Variants in WWOX observed in about 807,000 individuals in gnomAD.
WWOX encodes WW domain-containing oxidoreductase.
WWOX carries 69 observed loss-of-function variants against 46.2 expected under a neutral mutation model. The observed-to-expected ratio is 1.49, with a 90% CI of 1.23 to 1.82. WWOX has a LOEUF of 1.82. Ranked by LOEUF, WWOX falls within the 40% of genes most tolerant of loss-of-function variation. The probability of loss-of-function intolerance (pLI) is 0.00; values close to 1 mark genes in which losing one functional copy is unlikely to be tolerated. For synonymous variants in WWOX, 359 were observed against 202.6 expected (o/e 1.77, Z -6.56); for missense variants, 919 against 542.6 (o/e 1.69, Z -6.89).
In WWOX at chr16:78,186,838, T is replaced by C. The variant is rs2035723081; in HGVS notation, c.516+22549T>C. On this transcript the variant is annotated intron_variant, in intron 5 of 8. Transcript: ENST00000566780. ...CATAGAAGTTGCGAAGAATAGTCTA[T>C]AGTATTCTTCACAAGGGTTCTGGGT... Among the ~76,000 whole-genome samples, 6 of 152,330 alleles carry C rather than the reference T, an allele frequency of 3.9e-5. No homozygotes were observed. In the South Asian group the frequency reaches 1.2e-3, roughly 32 times the overall value.
chr16:78,160,144 A>T (rs1567605422), intron 4 of WWOX, among the ~76,000 whole-genome samples: 1 of 151,608 alleles, frequency 6.6e-6, no homozygotes, highest in Non-Finnish European at 1.5e-5. Flanking sequence ...AATGTAATGG[A>T]TGCTTAGATC....
At chr16:79,079,025 A>G (rs1248212144) in intron 8 of WWOX, among the ~76,000 whole-genome samples, 1 of 152,244 alleles carries the variant, frequency 6.6e-6, no homozygotes, top group Non-Finnish European at 1.5e-5. Flanking sequence ...TTTGACCTGC[A>G]TTGATCAAGG....
chr16:79,028,092 AG>A (rs1397314859), intron 8 of WWOX, among the ~76,000 whole-genome samples: 1 of 151,692 alleles, frequency 6.6e-6, no homozygotes, highest in African/African-American at 2.4e-5. Context: ...CTGAGACTAC[AG>A]GCACCTGCCA....
intron 8 of WWOX, chr16:79,110,817 G>T (rs1012376960): frequency 6.6e-6 from 1 of 152,206 alleles, no homozygotes. Flanking sequence ...CCTTTTATCA[G>T]CTGGGTGTTG....
Position 78,122,786 on chromosome 16 carries a change from G to A in WWOX, c.409+7632G>A, listed in dbSNP as rs749017619. ...TGTCCGGCTAATTTTTGTATTTTTC[G>A]TAGAGACAGGGATTCACCATGTTGG... On this transcript the variant is annotated intron_variant, in intron 4 of 8. Transcript: ENST00000566780. 2.0e-5 allele frequency among the ~76,000 whole-genome samples: 3 copies of A among 151,804 alleles called. No homozygotes were observed. In the South Asian group the frequency reaches 6.2e-4, roughly 32 times the overall value.
At chr16:78,635,625 G>A (rs2738579) in intron 8 of WWOX, among the ~76,000 whole-genome samples, 1 of 152,172 alleles carries the variant, frequency 6.6e-6, no homozygotes, top group Non-Finnish European at 1.5e-5. Context: ...GGGTTGTTGA[G>A]AGGATGAAGT....
chr16:79,136,923 C>G (rs1208621979), intron 8 of WWOX, among the ~76,000 whole-genome samples: 1 of 152,158 alleles, frequency 6.6e-6, no homozygotes, highest in Non-Finnish European at 1.5e-5. Context: ...GTAGATCAAT[C>G]AATTACATGT....
chr16:78,321,175 T>C (rs1007315905), intron 5 of WWOX, among the ~76,000 whole-genome samples: 2 of 151,726 alleles, frequency 1.3e-5, no homozygotes, highest in African/African-American at 4.8e-5. Context: ...TAATTGAAAA[T>C]GTATCTTTCT....
At chr16:78,941,379 G>A (rs117379109) in intron 8 of WWOX, among the ~76,000 whole-genome samples, 89 of 152,066 alleles carry the variant, frequency 5.9e-4, no homozygotes, top group Non-Finnish European at 1.1e-3. Context: ...AAGCTCCGTG[G>A]CCATTGCCAA....
At chr16:78,812,133 A>G (rs537722309) in intron 8 of WWOX, among the ~76,000 whole-genome samples, 8 of 152,112 alleles carry the variant, frequency 5.3e-5, no homozygotes, top group Non-Finnish European at 1.0e-4. Context: ...GACCAAATAC[A>G]GTAGGTACCA....
chr16:78,128,605 A>G (rs1455207167), intron 4 of WWOX, among the ~76,000 whole-genome samples: 3 of 152,228 alleles, frequency 2.0e-5, no homozygotes, highest in Non-Finnish European at 4.4e-5. Flanking sequence ...CTCCTTGCTT[A>G]TATAACATCA....
At chr16:78,179,222 G>T (rs996252294) in intron 5 of WWOX, among the ~76,000 whole-genome samples, 1 of 152,196 alleles carries the variant, frequency 6.6e-6, no homozygotes, top group Admixed American at 6.5e-5. Context: ...CCTTTGCTTT[G>T]CAGGGACAGC....
rs1237518146 is a variant in WWOX at position 78,755,994 on chromosome 16, T to G, written c.1056+323242T>G. On this transcript the variant is annotated intron_variant, in intron 8 of 8. Transcript: ENST00000566780. ...CCTGTAAGAAATGATGGCTTTTTGC[T>G]TGTATGACCAAGTCTCTTGGAGACA... 3.3e-5 allele frequency among the ~76,000 whole-genome samples: 5 copies of G among 152,172 alleles called. No individual in the cohort carries two copies. In the East Asian group the frequency reaches 9.6e-4, roughly 29 times the overall value.
At chr16:78,548,972 A>G (rs546298785) in intron 8 of WWOX, among the ~76,000 whole-genome samples, 1 of 152,324 alleles carries the variant, frequency 6.6e-6, no homozygotes, top group South Asian at 2.1e-4. Context: ...GGCATTTCCA[A>G]CAGATGGATG....
At chr16:78,507,605 A>G (rs1014659457) in intron 8 of WWOX, among the ~76,000 whole-genome samples, 4 of 152,160 alleles carry the variant, frequency 2.6e-5, no homozygotes, top group African/African-American at 9.6e-5. Flanking sequence ...AGTGTCACAC[A>G]CATATCACCC....
At chr16:78,431,993 G>T (rs558454508) in intron 7 of WWOX, among the ~76,000 whole-genome samples, 1 of 152,282 alleles carries the variant, frequency 6.6e-6, no homozygotes, top group Non-Finnish European at 1.5e-5. Context: ...TGGGATTAGA[G>T]GCATGAGCCA....
chr16:78,319,681 C>G (rs1430770054), intron 5 of WWOX, among the ~76,000 whole-genome samples: 1 of 152,200 alleles, frequency 6.6e-6, no homozygotes, highest in Non-Finnish European at 1.5e-5. Flanking sequence ...AATAAACGTT[C>G]TATGCCATTT....
At chr16:78,931,094 A>G (rs986202281) in intron 8 of WWOX, among the ~76,000 whole-genome samples, 1 of 152,212 alleles carries the variant, frequency 6.6e-6, no homozygotes, top group Non-Finnish European at 1.5e-5. Flanking sequence ...GGTAAATAAG[A>G]ATTTAATAGA....
intron 5 of WWOX, among the ~76,000 whole-genome samples, chr16:78,361,311 C>T (rs1159790726): frequency 6.6e-6 from 1 of 152,158 alleles, no homozygotes; most frequent in Admixed American, 6.5e-5. Context: ...TGTCTCATCC[C>T]TGGTAATGTT....
Sources: gnomAD v4.1 joint callset for allele counts (sites outside exome capture counted in the v4.1 genomes callset) on GRCh38, gnomAD v4.1.1 for gene constraint, MANE v1.5 for transcripts, NCBI Gene and HGNC (gene_info 2026-07-23, HGNC 2026-07-21) for gene names.